The following USP12 variants were observed in gnomAD, a reference collection of about 807,000 sequenced individuals.
The protein encoded by USP12 is ubiquitin specific peptidase 12.
In USP12, 19 loss-of-function variants were observed where a neutral mutation model predicts 45.5. The ratio of observed to expected loss-of-function variants is 0.42; its 90% CI spans 0.29 to 0.61. The LOEUF (loss-of-function observed/expected upper bound fraction) is 0.61. USP12 is among the 20% of genes least tolerant of loss of function. The pLI, the probability that USP12 is intolerant of heterozygous loss-of-function variation, is 0.22. For missense variants in USP12, 242 were observed against 447.7 expected (o/e 0.54, Z 4.15); for synonymous variants, 149 against 148.8 (o/e 1.00, Z -0.01).
chr13:27,169,430 T>C (rs945061159), intron 1 of USP12, among the ~76,000 whole-genome samples: 5 of 152,134 alleles, frequency 3.3e-5, no homozygotes, highest in Admixed American at 3.3e-4. Context: ...AGAGGACAAA[T>C]GGCAATTTTC....
chr13:27,146,444 G>A (rs1877312998), intron 1 of USP12, among the ~76,000 whole-genome samples: 2 of 151,350 alleles, frequency 1.3e-5, no homozygotes, highest in Non-Finnish European at 3.0e-5. Flanking sequence ...CTAAAGGCTA[G>A]GGGTATAAGG....
intron 1 of USP12, among the ~76,000 whole-genome samples, chr13:27,135,937 AT>A (rs1876784161): frequency 6.6e-6 from 1 of 152,136 alleles, no homozygotes; most frequent in African/African-American, 2.4e-5. Context: ...AACAGGGCTC[AT>A]TTTACATAAA....
At chr13:27,156,800 C>T (rs754549876) in intron 1 of USP12, among the ~76,000 whole-genome samples, 1 of 151,676 alleles carries the variant, frequency 6.6e-6, no homozygotes, top group Non-Finnish European at 1.5e-5. Flanking sequence ...CCAGCCTGGG[C>T]GACAGAGCAA....
In USP12 at chr13:27,121,431, A is replaced by G. The variant is rs540343076; in HGVS notation, c.49-4835T>C. ...TTCGCTCTGGAATGAGACAAATTCA[A>G]TCCACCCACGAAGAATTCCTACAAA... On this transcript the variant is annotated intron_variant, in intron 1 of 8. Coordinates refer to ENST00000282344, the MANE Select transcript of USP12 (RefSeq NM_182488.4). 2.5e-4 allele frequency among the ~76,000 whole-genome samples: 38 copies of G among 152,316 alleles called. No individual in the cohort carries two copies. In the South Asian group the frequency reaches 2.7e-3, roughly 11 times the overall value.
chr13:27,078,993 T>TAA (rs370076279), intron 6 of USP12, among the ~76,000 whole-genome samples: 10,295 of 143,634 alleles, frequency 0.072, 417 homozygotes, highest in Middle Eastern at 0.096. Context: ...TGTCCTCTGA[T>TAA]AAAAAAAAAA....
At chr13:27,142,137 GAC>G (rs371104703) in intron 1 of USP12, among the ~76,000 whole-genome samples, 2 of 151,912 alleles carry the variant, frequency 1.3e-5, no homozygotes, top group Non-Finnish European at 2.9e-5. Flanking sequence ...CACACACACA[GAC>G]ACACACACAC....
At chr13:27,153,453 A>G (rs1179592747) in intron 1 of USP12, among the ~76,000 whole-genome samples, 1 of 152,274 alleles carries the variant, frequency 6.6e-6, no homozygotes. Flanking sequence ...TTCTAGTTTC[A>G]AATAGGTTCT....
chr13:27,075,636 T>C (rs994723666), intron 6 of USP12, among the ~76,000 whole-genome samples: 1 of 152,128 alleles, frequency 6.6e-6, no homozygotes, highest in Non-Finnish European at 1.5e-5. Flanking sequence ...TCAATATGGC[T>C]CCAAAACAGA....
chr13:27,165,340 T>C (rs948015039), intron 1 of USP12, among the ~76,000 whole-genome samples: 7 of 152,164 alleles, frequency 4.6e-5, no homozygotes, highest in African/African-American at 1.2e-4. Context: ...TTCTCAGGGG[T>C]ATATACTACT....
At chr13:27,127,443 A>C (rs1010726341) in intron 1 of USP12, among the ~76,000 whole-genome samples, 13 of 152,224 alleles carry the variant, frequency 8.5e-5, no homozygotes, top group African/African-American at 2.7e-4. Flanking sequence ...AATATTGTAC[A>C]ACCAGTTATC....
intron 1 of USP12, among the ~76,000 whole-genome samples, chr13:27,157,784 C>T (rs1176030972): frequency 1.3e-5 from 2 of 152,160 alleles, no homozygotes; most frequent in African/African-American, 2.4e-5. Flanking sequence ...AAAAGCCTTC[C>T]TTCTCCAACT....
intron 1 of USP12, among the ~76,000 whole-genome samples, chr13:27,162,503 T>C (rs1036013105): frequency 2.0e-5 from 3 of 152,194 alleles, no homozygotes; most frequent in Admixed American, 6.5e-5. Context: ...GGGCTAATAC[T>C]ACCTAACCTT....
At chr13:27,132,713 A>G (rs1876562332) in intron 1 of USP12, among the ~76,000 whole-genome samples, 1 of 152,218 alleles carries the variant, frequency 6.6e-6, no homozygotes, top group Non-Finnish European at 1.5e-5. Context: ...CAAGAAGAGC[A>G]GTACTCAGAA....
chr13:27,075,259 G>A lies in USP12; in HGVS notation c.864C>T (p.Asn288=). Residue 288 remains asparagine (N), a synonymous_variant, in exon 7 of 9, where the codon AAC becomes AAT. Transcript: ENST00000282344. The part of the protein sequence containing the change: ...VVFPLELRLF[N]TSGDATNPDR... ...CTGGATTGGTGGCATCACCTGAAGT[G>A]TTAAACAGACGAAGTTCTAAAGGAA... 4 of 1,614,062 alleles carry A rather than the reference G, an allele frequency of 2.5e-6. No individual in the cohort carries two copies. The highest frequency in any genetic ancestry group is 3.4e-6 in the Non-Finnish European group (4 of 1,179,946).
intron 2 of USP12, among the ~76,000 whole-genome samples, chr13:27,113,256 CAAAACA>C (rs1200632971): frequency 6.6e-6 from 1 of 151,968 alleles, no homozygotes; most frequent in Admixed American, 6.6e-5. Flanking sequence ...GACCCTTTCT[CAAAACA>C]AAAACAAAAA....
chr13:27,105,438 T>C (rs921967914), intron 3 of USP12, among the ~76,000 whole-genome samples: 1 of 152,212 alleles, frequency 6.6e-6, no homozygotes, highest in African/African-American at 2.4e-5. Flanking sequence ...CCTTCATTCT[T>C]GACAGAAAAG....
At chr13:27,104,269 A>G (rs1026212580) in intron 3 of USP12, among the ~76,000 whole-genome samples, 3 of 152,168 alleles carry the variant, frequency 2.0e-5, no homozygotes, top group African/African-American at 4.8e-5. Context: ...GGGCTCAAGC[A>G]GTCCACCTAC....
chr13:27,110,329 T>C (rs937457857), intron 2 of USP12, among the ~76,000 whole-genome samples: 2 of 152,120 alleles, frequency 1.3e-5, no homozygotes, highest in African/African-American at 4.8e-5. Flanking sequence ...CCTAACCAGA[T>C]AAGTTCATAG....
intron 6 of USP12, among the ~76,000 whole-genome samples, chr13:27,081,313 C>T (rs997281769): frequency 1.3e-5 from 2 of 152,186 alleles, no homozygotes; most frequent in African/African-American, 4.8e-5. Context: ...CAACAATGTT[C>T]ACAGCATGTT....
Sources: allele counts gnomAD v4.1 joint callset (sites outside exome capture counted in the v4.1 genomes callset), GRCh38; gene constraint gnomAD v4.1.1; transcripts MANE v1.5; gene names NCBI Gene and HGNC (gene_info 2026-07-23, HGNC 2026-07-21).